The following MYT1L variants were observed in gnomAD, a reference collection of about 807,000 sequenced individuals.
MYT1L encodes the protein myelin transcription factor 1 like.
In MYT1L, 12 loss-of-function variants were observed where a neutral mutation model predicts 126.7. That is an observed-to-expected ratio of 0.09 (90% CI 0.06 to 0.15). MYT1L has a LOEUF of 0.15. Among genes scored for constraint, MYT1L ranks in the 10% least tolerant of loss-of-function variants. The probability of loss-of-function intolerance (pLI) is 1.00; values close to 1 mark genes in which losing one functional copy is unlikely to be tolerated. For synonymous variants in MYT1L, 541 were observed against 604.2 expected, an observed-to-expected ratio of 0.90 and a Z score of 1.53; for missense variants, 979 against 1,585.2, an observed-to-expected ratio of 0.62 and a Z score of 6.49.
intron 3 of MYT1L, among the ~76,000 whole-genome samples, chr2:2,084,552 T>G (rs1388470153): frequency 6.6e-6 from 1 of 152,000 alleles, no homozygotes; most frequent in Non-Finnish European, 1.5e-5. Context: ...GGGCAGCACC[T>G]CCATCCACAG....
intron 3 of MYT1L, among the ~76,000 whole-genome samples, chr2:2,154,633 T>C (rs750504840): frequency 1.3e-5 from 2 of 152,034 alleles, no homozygotes; most frequent in Non-Finnish European, 2.9e-5. Context: ...ATGAAGAGAA[T>C]ACATGAACAC....
chr2:2,105,671 G>A (rs72767376), intron 3 of MYT1L, among the ~76,000 whole-genome samples: 13,236 of 152,110 alleles, frequency 0.087, 761 homozygotes, highest in African/African-American at 0.16. Flanking sequence ...GGCGTCATAC[G>A]TTCACAAAAA....
intron 21 of MYT1L, among the ~76,000 whole-genome samples, chr2:1,829,966 T>C (rs1032143921): frequency 6.6e-6 from 1 of 152,194 alleles, no homozygotes; most frequent in African/African-American, 2.4e-5. Context: ...GAGTCAATGG[T>C]GCAGGAAAAC....
chr2:2,268,137 A>T (rs968859838), intron 2 of MYT1L, among the ~76,000 whole-genome samples: 1 of 152,230 alleles, frequency 6.6e-6, no homozygotes, highest in African/African-American at 2.4e-5. Flanking sequence ...CATCCATTTG[A>T]TGCATGTACT....
At chr2:1,969,663 G>A (rs1449236700) in intron 8 of MYT1L, among the ~76,000 whole-genome samples, 2 of 152,198 alleles carry the variant, frequency 1.3e-5, no homozygotes, top group Non-Finnish European at 2.9e-5. Context: ...ACTCAGGAAT[G>A]GCTGTGGGAC....
intron 2 of MYT1L, among the ~76,000 whole-genome samples, chr2:2,212,645 C>A (rs1196380368): frequency 6.6e-6 from 1 of 152,158 alleles, no homozygotes; most frequent in Non-Finnish European, 1.5e-5. Context: ...AGATGTTTAT[C>A]TGTTTCCTCC....
intron 4 of MYT1L, among the ~76,000 whole-genome samples, chr2:2,004,020 T>A (rs760944005): frequency 1.3e-4 from 20 of 150,146 alleles, no homozygotes; most frequent in African/African-American, 4.7e-4. Flanking sequence ...CTTTCCTGCA[T>A]GCCTTCTTTC....
intron 13 of MYT1L, among the ~76,000 whole-genome samples, chr2:1,909,013 C>T (rs758197049): frequency 4.6e-5 from 7 of 152,216 alleles, no homozygotes; most frequent in South Asian, 2.1e-4. Flanking sequence ...TTAATTACTA[C>T]GTTAGAAGCT....
At position 1,793,341 on chromosome 2, in the gene MYT1L, C is replaced by T. The variant is rs532851780; in HGVS notation, c.3277-877G>A. On this transcript the variant is annotated intron_variant, in intron 23 of 24. Coordinates refer to ENST00000647738, the MANE Select transcript of MYT1L (RefSeq NM_001303052.2). This position sits in a 1 kb window ranked among gnomAD's most constrained non-coding sequence, Gnocchi z 4.6. The stretch of plus-strand genomic sequence containing the variant: ...GCAGCAGGCGGGGAGCTGCCCTGCC[C>T]ATGGGGGTGTCTGCCTTGGGCACCC... Among the ~76,000 whole-genome samples the T allele has an allele frequency of 2.5e-4, 38 of 152,338 alleles. No homozygotes were observed. The highest frequency in any genetic ancestry group is 9.1e-4 in the African/African-American group (38 of 41,590).
chr2:1,986,070 G>A (rs914314979), intron 5 of MYT1L, among the ~76,000 whole-genome samples: 1 of 152,248 alleles, frequency 6.6e-6, no homozygotes, highest in Non-Finnish European at 1.5e-5. Flanking sequence ...GCAGGTGGAC[G>A]TCCTGACGGA....
rs148148822 is a variant in MYT1L at position 1,976,709 on chromosome 2, G to A, written c.152+2456C>T. ...ATTTAAAACAGCAATAGTCATAGAT[G>A]TTAATATATCCATGAGTCTTACCTA... On this transcript the variant is annotated intron_variant, in intron 8 of 24. Transcript: ENST00000647738. Among the ~76,000 whole-genome samples, 44 of 152,326 alleles carry A rather than the reference G, an allele frequency of 2.9e-4. No homozygotes were observed. The East Asian group carries it at 8.3e-3, about 29-fold the overall frequency.
intron 3 of MYT1L, among the ~76,000 whole-genome samples, chr2:2,122,498 A>G (rs765881529): frequency 5.9e-5 from 9 of 152,144 alleles, no homozygotes; most frequent in Admixed American, 3.3e-4. Context: ...CCTCCCTGTA[A>G]TGGCCGGCGT....
chr2:2,298,958 T>C (rs1011285890), intron 1 of MYT1L, among the ~76,000 whole-genome samples: 29 of 152,204 alleles, frequency 1.9e-4, no homozygotes, highest in African/African-American at 6.8e-4. Context: ...GTTCAAGTGC[T>C]TCTCCTGCCT....
intron 8 of MYT1L, among the ~76,000 whole-genome samples, chr2:1,962,028 C>G (rs1009548989): frequency 6.6e-6 from 1 of 152,150 alleles, no homozygotes; most frequent in South Asian, 2.1e-4. Context: ...TTGATCTCCA[C>G]GAATTACATG....
At chr2:2,001,529 AAGTG>A in intron 4 of MYT1L, among the ~76,000 whole-genome samples, 1 of 152,362 alleles carries the variant, frequency 6.6e-6, no homozygotes, top group South Asian at 2.1e-4. Flanking sequence ...AGGAAGAAAG[AAGTG>A]AGTGAGAGCG....
intron 2 of MYT1L, among the ~76,000 whole-genome samples, chr2:2,189,490 C>A (rs1486245083): frequency 1.3e-5 from 2 of 152,172 alleles, no homozygotes; most frequent in East Asian, 1.9e-4. Flanking sequence ...AAATGTGAAA[C>A]AATGACGCTC....
intron 2 of MYT1L, among the ~76,000 whole-genome samples, chr2:2,246,711 T>A (rs2094542839): frequency 6.6e-6 from 1 of 152,252 alleles, no homozygotes; most frequent in South Asian, 2.1e-4. Flanking sequence ...CTGTGTAAGA[T>A]AAGGCTACAG....
intron 1 of MYT1L, among the ~76,000 whole-genome samples, chr2:2,287,873 A>G (rs1471566795): frequency 1.3e-5 from 2 of 152,242 alleles, no homozygotes; most frequent in African/African-American, 4.8e-5. Context: ...GACCAACTCT[A>G]CAGCTCAGTT....
intron 3 of MYT1L, among the ~76,000 whole-genome samples, chr2:2,084,884 G>A (rs1289487869): frequency 1.3e-5 from 2 of 152,192 alleles, no homozygotes; most frequent in Non-Finnish European, 2.9e-5. Context: ...GTTGGAGGAG[G>A]AAACACTGGT....
Sources: gnomAD v4.1 joint callset for allele counts (sites outside exome capture counted in the v4.1 genomes callset) on GRCh38, gnomAD v4.1.1 for gene constraint, Gnocchi (gnomAD v3.1) non-coding constraint, MANE v1.5 for transcripts, NCBI Gene and HGNC (gene_info 2026-07-23, HGNC 2026-07-21) for gene names.